The following ARB2A variants were observed in gnomAD, a reference collection of about 807,000 sequenced individuals.
The protein encoded by ARB2A is ARB2 cotranscriptional regulator A.
At chr5:93,782,029 C>T in the ARB2A span, 2 of 575,140 alleles carry the variant, frequency 3.5e-6, no homozygotes, top group Non-Finnish European at 4.4e-6. Flanking sequence ...GGACTCTTAT[C>T]TTGCCAACCC....
At chr5:93,912,873 A>G in the ARB2A span, among the ~76,000 whole-genome samples, 1 of 151,722 alleles carries the variant, frequency 6.6e-6, no homozygotes, top group Non-Finnish European at 1.5e-5. Context: ...AAGATCTTCT[A>G]TGCATTTATT....
chr5:93,706,499 A>G, the ARB2A span, among the ~76,000 whole-genome samples: 1 of 152,182 alleles, frequency 6.6e-6, no homozygotes, highest in Non-Finnish European at 1.5e-5. Flanking sequence ...CTGCGCATAT[A>G]CTGGAAATTA....
At chr5:93,710,669 A>G in the ARB2A span, among the ~76,000 whole-genome samples, 29 of 152,360 alleles carry the variant, frequency 1.9e-4, no homozygotes, top group Admixed American at 5.2e-4. Context: ...GTTCAGTTAC[A>G]TAAGGAACCA....
chr5:93,749,609 G>A, the ARB2A span, among the ~76,000 whole-genome samples: 9 of 152,130 alleles, frequency 5.9e-5, no homozygotes, highest in African/African-American at 2.2e-4. Context: ...CAGACAGTGT[G>A]ATTGTGAATA....
At chr5:93,890,722 C>A in the ARB2A span, among the ~76,000 whole-genome samples, 1 of 151,906 alleles carries the variant, frequency 6.6e-6, no homozygotes, top group Non-Finnish European at 1.5e-5. Flanking sequence ...CCCTTCCAGC[C>A]CTGGCTTAGA....
the ARB2A span, among the ~76,000 whole-genome samples, chr5:94,068,545 C>T: frequency 0.014 from 2,167 of 152,262 alleles, 55 homozygotes; most frequent in African/African-American, 0.049. Context: ...ACTGCCAGTT[C>T]GAATGCCTGG....
the ARB2A span, among the ~76,000 whole-genome samples, chr5:93,815,353 G>A: frequency 1.3e-5 from 2 of 152,190 alleles, no homozygotes; most frequent in African/African-American, 4.8e-5. Context: ...TGAGACCAAA[G>A]AAGGTGTTAG....
chr5:93,956,423 A>G, the ARB2A span, among the ~76,000 whole-genome samples: 1 of 152,212 alleles, frequency 6.6e-6, no homozygotes, highest in African/African-American at 2.4e-5. Flanking sequence ...ATAGGAATCC[A>G]ATTTTAGGAA....
chr5:93,801,228 C>T, the ARB2A span, among the ~76,000 whole-genome samples: 7 of 152,114 alleles, frequency 4.6e-5, no homozygotes, highest in South Asian at 1.0e-3. Context: ...AATGACATTT[C>T]CAATGGAAGA....
chr5:93,951,536 G>T, the ARB2A span, among the ~76,000 whole-genome samples: 6 of 152,180 alleles, frequency 3.9e-5, no homozygotes, highest in South Asian at 1.0e-3. Flanking sequence ...TCATTCTTCT[G>T]CATATGGATA....
chr5:93,890,958 G>C, the ARB2A span, among the ~76,000 whole-genome samples: 1 of 152,094 alleles, frequency 6.6e-6, no homozygotes, highest in Non-Finnish European at 1.5e-5. Flanking sequence ...CTTACTGGAA[G>C]ATTAATTGCC....
At chr5:93,640,427 C>T in the ARB2A span, among the ~76,000 whole-genome samples, 2 of 150,666 alleles carry the variant, frequency 1.3e-5, no homozygotes, top group African/African-American at 4.9e-5. Context: ...CCAGCCTGGG[C>T]GACAGAGCAA....
the ARB2A span, among the ~76,000 whole-genome samples, chr5:93,768,577 A>ATGTG: frequency 1.3e-5 from 2 of 150,116 alleles, no homozygotes; most frequent in Non-Finnish European, 3.0e-5. Context: ...CATATATACT[A>ATGTG]TGTGTGTGTG....
the ARB2A span, among the ~76,000 whole-genome samples, chr5:94,095,860 TC>T: frequency 6.6e-6 from 1 of 152,162 alleles, no homozygotes; most frequent in Non-Finnish European, 1.5e-5. Context: ...CTGTTTTTTT[TC>T]CCTTATCTAG....
At chr5:93,764,415 A>G in the ARB2A span, among the ~76,000 whole-genome samples, 1 of 152,214 alleles carries the variant, frequency 6.6e-6, no homozygotes, top group Admixed American at 6.5e-5. Flanking sequence ...AGAATACTAT[A>G]AACACCTCTA....
the ARB2A span, among the ~76,000 whole-genome samples, chr5:93,949,053 A>C: frequency 1.3e-5 from 2 of 152,158 alleles, no homozygotes; most frequent in East Asian, 1.9e-4. Context: ...CCTTGGGTTC[A>C]TATCTTACTA....
the ARB2A span, among the ~76,000 whole-genome samples, chr5:93,994,348 A>C: frequency 6.6e-6 from 1 of 152,136 alleles, no homozygotes; most frequent in Non-Finnish European, 1.5e-5. Flanking sequence ...AAAGAAGGAA[A>C]TCCTGCCATA....
the ARB2A span, among the ~76,000 whole-genome samples, chr5:93,807,921 G>T: frequency 6.6e-6 from 1 of 151,952 alleles, no homozygotes; most frequent in South Asian, 2.1e-4. Flanking sequence ...CTTCTCCCTA[G>T]AATGTTTGAG....
At chr5:94,048,471 T>C in the ARB2A span, among the ~76,000 whole-genome samples, 114 of 152,318 alleles carry the variant, frequency 7.5e-4, no homozygotes, top group Non-Finnish European at 1.3e-3. Context: ...AGATTTTACA[T>C]TGCATAGAAG....
Sources: allele counts gnomAD v4.1 joint callset (sites outside exome capture counted in the v4.1 genomes callset), GRCh38; gene constraint gnomAD v4.1.1; transcripts MANE v1.5; gene names NCBI Gene and HGNC (gene_info 2026-07-23, HGNC 2026-07-21).